GPC3: variants seen among roughly 807,000 people sequenced by gnomAD.
GPC3 encodes the protein glypican-3.
Under a neutral mutation model 34.4 loss-of-function variants are expected in GPC3, and 3 were observed. That is an observed-to-expected ratio of 0.09 (90% CI 0.04 to 0.23). The LOEUF is 0.23. Ranked by LOEUF, GPC3 falls within the 10% of genes least tolerant of loss-of-function variation. GPC3 has a pLI of 1.00. For synonymous variants in GPC3, 177 were observed against 174.0 expected (o/e 1.02, Z -0.13); for missense variants, 351 against 445.6 (o/e 0.79, Z 1.91).
intron 2 of GPC3, among the ~76,000 whole-genome samples, chrX:133,923,690 G>A (rs1186744262): frequency 8.9e-6 from 1 of 112,500 alleles, no homozygotes; most frequent in African/African-American, 3.2e-5. Context: ...ACAACAGCTG[G>A]TTGGGCCAAG....
At chrX:133,571,370 C>CT (rs534508805) in intron 7 of GPC3, among the ~76,000 whole-genome samples, 13 of 106,926 alleles carry the variant, frequency 1.2e-4, no homozygotes, top group African/African-American at 2.4e-4. Flanking sequence ...TAGCCATTTT[C>CT]TTTTTTTTTT....
chrX:133,925,197 G>A (rs1217672606), intron 2 of GPC3, among the ~76,000 whole-genome samples: 1 of 109,381 alleles, frequency 9.1e-6, no homozygotes, highest in Non-Finnish European at 1.9e-5. Flanking sequence ...AAAGAAACTG[G>A]CACAGTTTTA....
chrX:133,846,545 TCA>T lies in GPC3; in HGVS notation c.338-92371_338-92370del, dbSNP rs766951970. ...AAAGACCTGAAGAAATAGTTTGGTT[TCA>T]CAGTCATCATAAATTTATTATACTG... On this transcript the variant is annotated intron_variant, in intron 2 of 7. Coordinates refer to ENST00000370818, the MANE Select transcript of GPC3 (RefSeq NM_004484.4). Among the ~76,000 whole-genome samples the T allele has an allele frequency of 5.4e-4, 60 of 111,780 alleles. 1 individual carries two copies. Among genetic ancestry groups the T allele is most frequent in the Non-Finnish European group, 2.3e-4 (12 of 53,086 alleles).
At chrX:133,804,910 T>C (rs2075628495) in intron 2 of GPC3, among the ~76,000 whole-genome samples, 1 of 111,656 alleles carries the variant, frequency 9.0e-6, no homozygotes, top group African/African-American at 3.3e-5. Context: ...AAAAATCTAA[T>C]AGGTATACTA....
intron 1 of GPC3, among the ~76,000 whole-genome samples, chrX:133,977,060 A>G (rs1259894833): frequency 2.7e-5 from 3 of 112,033 alleles, no homozygotes; most frequent in East Asian, 2.8e-4. Context: ...AGTTTAGACA[A>G]TGATACATTC....
intron 2 of GPC3, among the ~76,000 whole-genome samples, chrX:133,924,288 G>A: frequency 9.0e-6 from 1 of 110,663 alleles, no homozygotes; most frequent in Non-Finnish European, 1.9e-5. Context: ...GGCTCTAGAA[G>A]GCAATTGTAT....
intron 7 of GPC3, among the ~76,000 whole-genome samples, chrX:133,581,723 T>C (rs941613982): frequency 5.3e-5 from 6 of 112,215 alleles, no homozygotes; most frequent in African/African-American, 1.6e-4. Flanking sequence ...GGTTGATATA[T>C]TGGAATACAC....
intron 2 of GPC3, among the ~76,000 whole-genome samples, chrX:133,784,518 G>C (rs1197155587): frequency 9.0e-6 from 1 of 111,292 alleles, no homozygotes; most frequent in Non-Finnish European, 1.9e-5. Flanking sequence ...TTAAGTCAAA[G>C]GTCACAGGCC....
chrX:133,885,581 A>G (rs2076058580), intron 2 of GPC3, among the ~76,000 whole-genome samples: 1 of 111,798 alleles, frequency 8.9e-6, no homozygotes, highest in Non-Finnish European at 1.9e-5. Context: ...TGTTATTAAT[A>G]GACTTACAGT....
intron 2 of GPC3, among the ~76,000 whole-genome samples, chrX:133,766,792 A>AT (rs1225611281): frequency 1.8e-5 from 2 of 112,198 alleles, no homozygotes; most frequent in Non-Finnish European, 3.8e-5. Flanking sequence ...TTTTTCCATT[A>AT]TGTCCATCTT....
chrX:133,919,987 T>G (rs1033001295), intron 2 of GPC3, among the ~76,000 whole-genome samples: 13 of 107,448 alleles, frequency 1.2e-4, no homozygotes, highest in African/African-American at 4.1e-4. Flanking sequence ...CAGCAAGACC[T>G]CATCTCTACT....
At chrX:133,776,721 G>T (rs920648184) in intron 2 of GPC3, among the ~76,000 whole-genome samples, 2 of 110,857 alleles carry the variant, frequency 1.8e-5, no homozygotes, top group African/African-American at 6.6e-5. Context: ...TAATCCAGAG[G>T]TCAGAAGAAT....
intron 1 of GPC3, among the ~76,000 whole-genome samples, chrX:133,964,045 ACTAATCT>A (rs1355633104): frequency 9.0e-6 from 1 of 111,127 alleles, no homozygotes; most frequent in Non-Finnish European, 1.9e-5. Flanking sequence ...ACTCTAACTC[ACTAATCT>A]CTTGACACAC....
At chrX:133,733,288 G>C (rs1021745969) in intron 3 of GPC3, among the ~76,000 whole-genome samples, 1 of 110,311 alleles carries the variant, frequency 9.1e-6, no homozygotes, top group Non-Finnish European at 1.9e-5. Context: ...GACTCAGAAG[G>C]GGGAGGGTGA....
At chrX:133,695,565 G>A (rs1236146654) in intron 4 of GPC3, among the ~76,000 whole-genome samples, 2 of 111,588 alleles carry the variant, frequency 1.8e-5, no homozygotes, top group Admixed American at 1.9e-4. Context: ...GGAGAGTTGG[G>A]AACAGCCAGG....
chrX:133,770,828 C>T (rs775672038), intron 2 of GPC3, among the ~76,000 whole-genome samples: 6 of 112,153 alleles, frequency 5.3e-5, no homozygotes, highest in Admixed American at 1.9e-4. Flanking sequence ...GCACAGAATC[C>T]ACCTCGTAGC....
At chrX:133,848,906 G>A (rs759646487) in intron 2 of GPC3, among the ~76,000 whole-genome samples, 5 of 110,514 alleles carry the variant, frequency 4.5e-5, no homozygotes, top group Non-Finnish European at 9.4e-5. Context: ...TACAGGCAAT[G>A]ACAGTGGGAC....
At chrX:133,930,166 A>G (rs752926920) in intron 2 of GPC3, among the ~76,000 whole-genome samples, 14 of 112,048 alleles carry the variant, frequency 1.2e-4, no homozygotes, top group Non-Finnish European at 2.6e-4. Context: ...TGACTTGCCA[A>G]CACAAGACTT....
Position 133,707,240 on chromosome X carries a change from A to C in GPC3, c.1033-7212T>G, listed in dbSNP as rs1269008594. 3.6e-5 allele frequency among the ~76,000 whole-genome samples: 4 copies of C among 111,272 alleles called. No homozygotes were observed. The Admixed American group carries it at 3.8e-4, about 11-fold the overall frequency. The stretch of plus-strand genomic sequence containing the variant: ...GGAGGAAAAGGGGCATGGGCTAAAA[A>C]ACTATCTATTGGGTACTATGCTCAC... On this transcript the variant is annotated intron_variant, in intron 3 of 7. Coordinates refer to ENST00000370818, the MANE Select transcript of GPC3 (RefSeq NM_004484.4).
Sources: allele counts gnomAD v4.1 joint callset (sites outside exome capture counted in the v4.1 genomes callset), GRCh38; gene constraint gnomAD v4.1.1; transcripts MANE v1.5; gene names NCBI Gene and HGNC (gene_info 2026-07-23, HGNC 2026-07-21).